The following CLVS1 variants were observed in gnomAD, a reference collection of about 807,000 sequenced individuals.
CLVS1 encodes clavesin-1.
CLVS1 carries 10 observed loss-of-function variants against 33.1 expected under a neutral mutation model. The observed-to-expected ratio is 0.30, with a 90% CI of 0.19 to 0.51. The LOEUF is 0.51. Ranked by LOEUF, CLVS1 falls within the 20% of genes least tolerant of loss-of-function variation. The probability of loss-of-function intolerance (pLI) is 0.97; values close to 1 mark genes in which losing one functional copy is unlikely to be tolerated. For missense variants in CLVS1, 343 were observed against 433.4 expected, an observed-to-expected ratio of 0.79 and a Z score of 1.85; for synonymous variants, 163 against 166.1, an observed-to-expected ratio of 0.98 and a Z score of 0.14.
chr8:61,406,402 T>G (rs1433423564), intron 3 of CLVS1, among the ~76,000 whole-genome samples: 1 of 152,202 alleles, frequency 6.6e-6, no homozygotes, highest in Non-Finnish European at 1.5e-5. Context: ...TCAAGAAAGC[T>G]CTTCTTTTTA....
intron 3 of CLVS1, among the ~76,000 whole-genome samples, chr8:61,426,313 A>G (rs1815889811): frequency 6.6e-6 from 1 of 152,244 alleles, no homozygotes; most frequent in African/African-American, 2.4e-5. Context: ...CAATTCCTGC[A>G]GTACCTTGTT....
intron 5 of CLVS1, among the ~76,000 whole-genome samples, chr8:61,471,759 C>T (rs892181752): frequency 5.2e-4 from 79 of 152,370 alleles, no homozygotes; most frequent in African/African-American, 1.9e-3. Context: ...AGCCTGCCCC[C>T]TGGCCTGGAG....
At chr8:61,298,973 A>G (rs996754361) in intron 1 of CLVS1, among the ~76,000 whole-genome samples, 16 of 152,268 alleles carry the variant, frequency 1.1e-4, no homozygotes, top group Admixed American at 3.3e-4. Context: ...CTGCTTTCCT[A>G]GTAAAAGAAT....
intron 2 of CLVS1, among the ~76,000 whole-genome samples, chr8:61,246,085 T>G (rs1808801141): frequency 6.6e-6 from 1 of 151,650 alleles, no homozygotes; most frequent in African/African-American, 2.4e-5. Context: ...TCTTATATGT[T>G]TTAAGATAAA....
the CLVS1 span, among the ~76,000 whole-genome samples, chr8:60,990,690 T>C: frequency 5.3e-5 from 8 of 151,740 alleles, no homozygotes; most frequent in Non-Finnish European, 4.4e-5. Context: ...TCATCACCTA[T>C]ATTAATTAAC....
At chr8:61,052,390 G>A (rs902979312), upstream of CLVS1, among the ~76,000 whole-genome samples, 11 of 152,290 alleles carry the variant, frequency 7.2e-5, no homozygotes, top group South Asian at 4.1e-4. Flanking sequence ...CATGAAGGGC[G>A]ACAGGAATCC....
At chr8:61,167,880 T>C (rs4737577) in intron 2 of CLVS1, among the ~76,000 whole-genome samples, 116,274 of 152,116 alleles carry the variant, frequency 0.76, 45,530 homozygotes, top group Middle Eastern at 0.93. Flanking sequence ...CAGAAAGTTA[T>C]CCTATATAGT....
chr8:61,294,784 AATAG>A (rs1439781346), intron 1 of CLVS1, among the ~76,000 whole-genome samples: 2 of 152,208 alleles, frequency 1.3e-5, no homozygotes, highest in African/African-American at 4.8e-5. Flanking sequence ...AAATGAGAAT[AATAG>A]ATCATAAAAT....
chr8:61,270,979 T>TA, intron 2 of CLVS1, among the ~76,000 whole-genome samples: 1 of 151,254 alleles, frequency 6.6e-6, no homozygotes, highest in Non-Finnish European at 1.5e-5. Flanking sequence ...CTGGATTCAT[T>TA]AATTTTTTGA....
At chr8:61,478,042 A>T (rs1818022820) in intron 5 of CLVS1, among the ~76,000 whole-genome samples, 1 of 152,226 alleles carries the variant, frequency 6.6e-6, no homozygotes, top group East Asian at 1.9e-4. Flanking sequence ...GTTTCAAAGA[A>T]CATCTTTACT....
chr8:61,323,940 A>G (rs1427067621), intron 2 of CLVS1, among the ~76,000 whole-genome samples: 1 of 152,148 alleles, frequency 6.6e-6, no homozygotes, highest in Non-Finnish European at 1.5e-5. Context: ...AATGACCTCC[A>G]GCTCTATCTG....
intron 3 of CLVS1, among the ~76,000 whole-genome samples, chr8:61,436,696 C>A (rs1289936284): frequency 6.6e-6 from 1 of 152,210 alleles, no homozygotes; most frequent in Non-Finnish European, 1.5e-5. Flanking sequence ...GTCCTCAGAT[C>A]TCCTTTCTTC....
chr8:61,446,286 G>A (rs1228823810), intron 3 of CLVS1, among the ~76,000 whole-genome samples: 2 of 152,144 alleles, frequency 1.3e-5, no homozygotes, highest in African/African-American at 4.8e-5. Flanking sequence ...AAAGAAATAT[G>A]TATTTAATGC....
chr8:61,085,295 A>T (rs1585598247), intron 1 of CLVS1, among the ~76,000 whole-genome samples: 2 of 152,166 alleles, frequency 1.3e-5, no homozygotes, highest in South Asian at 4.2e-4. Context: ...TACAACAACA[A>T]TTATTACTTT....
chr8:61,066,935 C>T (rs111602150), intron 1 of CLVS1, among the ~76,000 whole-genome samples: 164 of 152,228 alleles, frequency 1.1e-3, no homozygotes, highest in African/African-American at 3.6e-3. Flanking sequence ...ATAACTAACA[C>T]GGCTGATGAG....
At chr8:61,456,832 G>A (rs142381463) in intron 4 of CLVS1, among the ~76,000 whole-genome samples, 1,674 of 151,606 alleles carry the variant, frequency 0.011, 38 homozygotes, top group African/African-American at 0.039. Context: ...GCAGGAGAAC[G>A]GCATGAACCT....
At chr8:61,222,919 G>A (rs546297801) in intron 2 of CLVS1, among the ~76,000 whole-genome samples, 193 of 125,470 alleles carry the variant, frequency 1.5e-3, no homozygotes, top group African/African-American at 5.8e-3. Flanking sequence ...ATTATGTAAT[G>A]CCCTTTTTTG....
the CLVS1 span, among the ~76,000 whole-genome samples, chr8:61,046,306 C>T: frequency 2.7e-5 from 4 of 146,790 alleles, no homozygotes; most frequent in South Asian, 2.2e-4. Flanking sequence ...TGTAGATATG[C>T]GGCATTATTT....
chr8:61,106,043 CT>C (rs1805531259), intron 1 of CLVS1, among the ~76,000 whole-genome samples: 1 of 152,238 alleles, frequency 6.6e-6, no homozygotes, highest in Non-Finnish European at 1.5e-5. Flanking sequence ...AGCATGTTTC[CT>C]ATCATGCTAT....
Sources: gnomAD v4.1 joint callset for allele counts (sites outside exome capture counted in the v4.1 genomes callset) on GRCh38, gnomAD v4.1.1 for gene constraint, MANE v1.5 for transcripts, NCBI Gene and HGNC (gene_info 2026-07-23, HGNC 2026-07-21) for gene names.